KIAA0825: variants seen among roughly 807,000 people sequenced by gnomAD.
The protein encoded by KIAA0825 is uncharacterized protein KIAA0825.
In KIAA0825, 119 loss-of-function variants were observed where a neutral mutation model predicts 147.6. The observed-to-expected ratio is 0.81, with a 90% CI of 0.69 to 0.94. The LOEUF (loss-of-function observed/expected upper bound fraction) is 0.94, where lower values mean the gene tolerates loss of function less well. KIAA0825 is among the 40% of genes least tolerant of loss of function. The probability of loss-of-function intolerance (pLI) is 0.00; values close to 1 mark genes in which losing one functional copy is unlikely to be tolerated. For missense variants in KIAA0825, 1,381 were observed against 1,472.7 expected (o/e 0.94, Z 1.02); for synonymous variants, 470 against 518.1 (o/e 0.91, Z 1.26).
chr5:94,596,142 C>A (rs112512160), intron 1 of KIAA0825, among the ~76,000 whole-genome samples: 30 of 152,292 alleles, frequency 2.0e-4, no homozygotes, highest in African/African-American at 6.3e-4. Flanking sequence ...GCATCTTTGT[C>A]ATGACATCTT....
intron 10 of KIAA0825, among the ~76,000 whole-genome samples, chr5:94,469,447 C>T (rs1760949116): frequency 6.6e-6 from 1 of 152,168 alleles, no homozygotes; most frequent in Non-Finnish European, 1.5e-5. Context: ...GCTGGGATTA[C>T]AGGCGTGAGC....
At chr5:94,186,870 G>T (rs1770165299) in intron 20 of KIAA0825, among the ~76,000 whole-genome samples, 1 of 152,144 alleles carries the variant, frequency 6.6e-6, no homozygotes, top group Admixed American at 6.5e-5. Flanking sequence ...AGACATGAGG[G>T]TGGGCACATA....
intron 14 of KIAA0825, among the ~76,000 whole-genome samples, chr5:94,420,722 T>C (rs1754074294): frequency 6.6e-6 from 1 of 151,960 alleles, no homozygotes; most frequent in South Asian, 2.1e-4. Flanking sequence ...AATGTTTTAA[T>C]ACTAAAGAGG....
intron 1 of KIAA0825, among the ~76,000 whole-genome samples, chr5:94,600,442 T>C (rs908852126): frequency 2.0e-5 from 3 of 151,906 alleles, no homozygotes; most frequent in African/African-American, 7.3e-5. Context: ...TATATTTCCT[T>C]ATGTGTATAT....
intron 20 of KIAA0825, among the ~76,000 whole-genome samples, chr5:94,182,313 G>T (rs1769731703): frequency 8.6e-6 from 1 of 115,890 alleles, no homozygotes. Context: ...GGGCTGGAGT[G>T]CAGTGGCATG....
chr5:94,211,990 T>C (rs1042603112), intron 20 of KIAA0825, among the ~76,000 whole-genome samples: 1 of 152,206 alleles, frequency 6.6e-6, no homozygotes, highest in Non-Finnish European at 1.5e-5. Flanking sequence ...GAATACACGA[T>C]GTTACTCTTC....
intron 20 of KIAA0825, among the ~76,000 whole-genome samples, chr5:94,224,905 T>G (rs1774024921): frequency 6.6e-6 from 1 of 152,192 alleles, no homozygotes; most frequent in Non-Finnish European, 1.5e-5. Context: ...AGCCTTCATC[T>G]GTCTCTAAAT....
chr5:94,214,239 G>A (rs1773007203), intron 20 of KIAA0825, among the ~76,000 whole-genome samples: 1 of 152,000 alleles, frequency 6.6e-6, no homozygotes, highest in Non-Finnish European at 1.5e-5. Flanking sequence ...ATTTTTCCCT[G>A]CAATTAGTGT....
At position 94,586,865 on chromosome 5, in the gene KIAA0825, C is replaced by T. The variant is rs1322840996; in HGVS notation, c.-152-4282G>A. On this transcript the variant is annotated intron_variant, in intron 1 of 20. Transcript: ENST00000682413. Reference sequence around the variant, plus strand: ...CAACATGATCAAGTCACCTTCATCCCTGGAATGCAAGGCTGGTTCAACATA... The same window carrying T: ...CAACATGATCAAGTCACCTTCATCCTTGGAATGCAAGGCTGGTTCAACATA... Among the ~76,000 whole-genome samples, 3 of 152,152 alleles carry T rather than the reference C, an allele frequency of 2.0e-5. No homozygotes were observed. In the East Asian group the frequency reaches 5.8e-4, roughly 29 times the overall value.
At chr5:94,433,095 G>A (rs748100230) in intron 14 of KIAA0825, among the ~76,000 whole-genome samples, 5 of 152,044 alleles carry the variant, frequency 3.3e-5, no homozygotes, top group East Asian at 1.9e-4. Context: ...GTGCAGTGGC[G>A]CAATCTCGGT....
chr5:94,405,595 C>T (rs1324989419), intron 15 of KIAA0825, among the ~76,000 whole-genome samples: 1 of 152,122 alleles, frequency 6.6e-6, no homozygotes, highest in African/African-American at 2.4e-5. Flanking sequence ...AAATTAGTTT[C>T]TTTGATGCTT....
At chr5:94,293,486 T>C (rs924754803) in intron 20 of KIAA0825, among the ~76,000 whole-genome samples, 3 of 152,242 alleles carry the variant, frequency 2.0e-5, no homozygotes, top group African/African-American at 7.2e-5. Flanking sequence ...CTGTTTGTTA[T>C]GATTTCCATT....
At chr5:94,600,439 C>T (rs1786185488) in intron 1 of KIAA0825, among the ~76,000 whole-genome samples, 2 of 151,358 alleles carry the variant, frequency 1.3e-5, no homozygotes, top group African/African-American at 4.9e-5. Flanking sequence ...TTATATATTT[C>T]CTTATGTGTA....
chr5:94,232,621 C>T (rs1487563878), intron 20 of KIAA0825, among the ~76,000 whole-genome samples: 5 of 152,056 alleles, frequency 3.3e-5, no homozygotes, highest in African/African-American at 1.2e-4. Flanking sequence ...CTTTTAATAA[C>T]TTGCAATAAC....
chr5:94,376,487 A>G (rs769770734), intron 20 of KIAA0825, among the ~76,000 whole-genome samples: 1 of 152,216 alleles, frequency 6.6e-6, no homozygotes, highest in Non-Finnish European at 1.5e-5. Context: ...GCTACCCATC[A>G]GGAAATAATA....
chr5:94,576,856 G>A (rs1781145922), intron 2 of KIAA0825, among the ~76,000 whole-genome samples: 1 of 152,070 alleles, frequency 6.6e-6, no homozygotes, highest in Non-Finnish European at 1.5e-5. Context: ...GTAAGTTACA[G>A]AGCTAATAAA....
At chr5:94,348,200 T>C (rs1050757337) in intron 20 of KIAA0825, among the ~76,000 whole-genome samples, 11 of 152,156 alleles carry the variant, frequency 7.2e-5, no homozygotes, top group African/African-American at 2.7e-4. Context: ...AAGAGAATTC[T>C]AAAAGTTTGG....
chr5:94,567,936 A>C (rs1779033506), intron 2 of KIAA0825: 1 of 157,078 alleles, frequency 6.4e-6, no homozygotes, highest in Non-Finnish European at 1.4e-5. Context: ...TTAGCAGAAA[A>C]TAACCCACCA....
chr5:94,201,747 T>C (rs1771717764), intron 20 of KIAA0825, among the ~76,000 whole-genome samples: 1 of 152,170 alleles, frequency 6.6e-6, no homozygotes, highest in African/African-American at 2.4e-5. Context: ...AGGAAAACTT[T>C]ATTCAGAACC....
Sources: gnomAD v4.1 joint callset for allele counts (sites outside exome capture counted in the v4.1 genomes callset) on GRCh38, gnomAD v4.1.1 for gene constraint, MANE v1.5 for transcripts, NCBI Gene and HGNC (gene_info 2026-07-23, HGNC 2026-07-21) for gene names.